The following POU2F1 variants were observed in gnomAD, a reference collection of about 807,000 sequenced individuals.
POU2F1 encodes POU class 2 homeobox 1.
POU2F1 carries 16 observed loss-of-function variants against 84.9 expected under a neutral mutation model. That is an observed-to-expected ratio of 0.19 (90% CI 0.13 to 0.29). The LOEUF (loss-of-function observed/expected upper bound fraction) is 0.29, where lower values mean the gene tolerates loss of function less well. Among genes scored for constraint, POU2F1 ranks in the 10% least tolerant of loss-of-function variants. POU2F1 has a pLI of 1.00. For missense variants in POU2F1, 738 were observed against 942.6 expected, an observed-to-expected ratio of 0.78 and a Z score of 2.84; for synonymous variants, 368 against 368.3, an observed-to-expected ratio of 1.00 and a Z score of 0.01.
intron 1 of POU2F1, among the ~76,000 whole-genome samples, chr1:167,272,417 A>C (rs1412100730): frequency 6.6e-6 from 1 of 151,486 alleles, no homozygotes; most frequent in African/African-American, 2.4e-5. Context: ...CATATTCAGA[A>C]CTGTATTAGT....
rs75813801 is a variant in POU2F1 at position 167,402,047 on chromosome 1, C to T, written c.1555+491C>T. Among the ~76,000 whole-genome samples, 24 of 152,316 alleles carry T rather than the reference C, an allele frequency of 1.6e-4. No homozygotes were observed. The East Asian group carries it at 4.4e-3, about 28-fold the overall frequency. Reference sequence around the variant, plus strand: ...CACACCTGTCTTTCCCAATAGACTGCACTTCTCAAAAGATTTGATTATTCT... The same window carrying T: ...CACACCTGTCTTTCCCAATAGACTGTACTTCTCAAAAGATTTGATTATTCT... On this transcript the variant is annotated intron_variant, in intron 13 of 15. Transcript: ENST00000367866.
chr1:167,235,713 T>C (rs534141089), intron 1 of POU2F1, among the ~76,000 whole-genome samples: 101 of 152,310 alleles, frequency 6.6e-4, no homozygotes, highest in Non-Finnish European at 1.2e-3. Flanking sequence ...CCCCCATTGC[T>C]CTCTATTCTT....
At chr1:167,328,546 T>C (rs1176531587) in intron 1 of POU2F1, among the ~76,000 whole-genome samples, 1 of 152,310 alleles carries the variant, frequency 6.6e-6, no homozygotes, top group East Asian at 1.9e-4. Flanking sequence ...CCAGCAGGAA[T>C]AAGATTAAAG....
At chr1:167,370,937 G>T (rs1009545927) in intron 4 of POU2F1, among the ~76,000 whole-genome samples, 1 of 152,124 alleles carries the variant, frequency 6.6e-6, no homozygotes, top group African/African-American at 2.4e-5. Flanking sequence ...TCAACCTGCT[G>T]GTTCCTTTCA....
chr1:167,361,561 G>T lies in POU2F1; in HGVS notation c.128-3906G>T, dbSNP rs184006218. On this transcript the variant is annotated intron_variant, in intron 2 of 15. Coordinates refer to ENST00000367866, the MANE Select transcript of POU2F1 (RefSeq NM_002697.4). ...GGAATTGACTTTTTGATGTGCTGCT[G>T]GATTTGGATTACTAATATTTTTTGA... is the stretch of plus-strand genomic sequence containing the variant. 4.6e-3 allele frequency among the ~76,000 whole-genome samples: 699 copies of T among 152,240 alleles called. 2 individuals are homozygous for T. The highest frequency in any genetic ancestry group is 7.0e-3 in the Non-Finnish European group (475 of 68,006).
intron 2 of POU2F1, among the ~76,000 whole-genome samples, chr1:167,336,896 T>C (rs1201967096): frequency 1.3e-5 from 2 of 152,086 alleles, no homozygotes; most frequent in African/African-American, 2.4e-5. Flanking sequence ...CCAGGCGCCA[T>C]GGCTCATGCT....
chr1:167,361,837 G>A (rs1218892639), intron 2 of POU2F1, among the ~76,000 whole-genome samples: 7 of 152,066 alleles, frequency 4.6e-5, no homozygotes, highest in South Asian at 4.1e-4. Context: ...TACTGATTTC[G>A]TTTAATTACT....
chr1:167,222,117 G>A (rs961494164), intron 1 of POU2F1, among the ~76,000 whole-genome samples: 11 of 152,170 alleles, frequency 7.2e-5, no homozygotes, highest in African/African-American at 2.7e-4. Context: ...GCGCCCAGAG[G>A]CCTCCCGAGA....
At chr1:167,253,917 G>A (rs1347827101) in intron 1 of POU2F1, among the ~76,000 whole-genome samples, 1 of 152,006 alleles carries the variant, frequency 6.6e-6, no homozygotes, top group Non-Finnish European at 1.5e-5. Flanking sequence ...TTCTAATACA[G>A]GTAGGATAAA....
chr1:167,292,043 G>T (rs542745797), intron 1 of POU2F1, among the ~76,000 whole-genome samples: 1 of 152,050 alleles, frequency 6.6e-6, no homozygotes, highest in Admixed American at 6.5e-5. Flanking sequence ...GTGTGTGTGT[G>T]TGTCTGTGTA....
chr1:167,343,162 G>T (rs1657969245), intron 2 of POU2F1, among the ~76,000 whole-genome samples: 1 of 152,112 alleles, frequency 6.6e-6, no homozygotes, highest in African/African-American at 2.4e-5. Context: ...CAGGGGTGGG[G>T]GTCAAGGGGG....
intron 7 of POU2F1, among the ~76,000 whole-genome samples, chr1:167,378,657 C>T (rs1026446756): frequency 3.3e-5 from 5 of 152,136 alleles, no homozygotes; most frequent in African/African-American, 1.2e-4. Context: ...CCGCCCACCT[C>T]GGCCTCCCAG....
At position 167,399,260 on chromosome 1, in the gene POU2F1, T is replaced by A; in HGVS notation, c.1344T>A (p.Val448=). ...QLNMEKEVIR[V]WFCNRRQKEK... ...ATATGGAAAAAGAGGTGATTCGTGTTTGGTTCTGTAACCGCCGCCAGAAAG... is the reference window on the plus strand; with the variant it reads ...ATATGGAAAAAGAGGTGATTCGTGTATGGTTCTGTAACCGCCGCCAGAAAG... Residue 448 remains valine (V), a synonymous_variant, in exon 12 of 16, where the codon GTT becomes GTA. Transcript: ENST00000367866. 6.2e-7 allele frequency: 1 copy of A among 1,614,034 alleles called. No individual in the cohort carries two copies. The highest frequency in any genetic ancestry group is 1.1e-5 in the South Asian group (1 of 91,078).
At chr1:167,332,320 G>A (rs1226174290) in intron 1 of POU2F1, 150 bp from the exon 2 acceptor site, 1 of 457,080 alleles carries the variant, frequency 2.2e-6, no homozygotes, top group Admixed American at 3.6e-5. Context: ...ATAATTTCTA[G>A]TATTTTAGCC....
chr1:167,279,168 G>GT (rs1203030935), intron 1 of POU2F1, among the ~76,000 whole-genome samples: 1 of 152,194 alleles, frequency 6.6e-6, no homozygotes, highest in Non-Finnish European at 1.5e-5. Context: ...AGAATCATGG[G>GT]TAGTGGTATG....
At chr1:167,312,273 C>T (rs1300669846) in intron 1 of POU2F1, among the ~76,000 whole-genome samples, 9 of 150,000 alleles carry the variant, frequency 6.0e-5, no homozygotes, top group East Asian at 2.0e-4. Context: ...CTTGCTCTGT[C>T]GCCTAGGCTG....
rs1441268560 is a variant in POU2F1 at position 167,399,349 on chromosome 1, C to A, written c.1433C>A (p.Pro478His). 1 of 1,612,496 alleles carries A rather than the reference C, an allele frequency of 6.2e-7. No homozygotes were observed. Among genetic ancestry groups the A allele is most frequent in the African/African-American group, 1.3e-5 (1 of 74,822 alleles). ...AGCTCACCTATTAAAGCAATTTTCC[C>A]CAGCCCAACTTCACTGGTAAGAATA... ...TSSSPIKAIF[P>H]SPTSLVATTP... Residue 478 changes from proline (P) to histidine (H), a missense_variant, in exon 12 of 16, where the codon CCC becomes CAC. Coordinates refer to ENST00000367866, the MANE Select transcript of POU2F1 (RefSeq NM_002697.4).
At chr1:167,351,268 C>T (rs180865292) in intron 2 of POU2F1, among the ~76,000 whole-genome samples, 1 of 152,078 alleles carries the variant, frequency 6.6e-6, no homozygotes, top group Non-Finnish European at 1.5e-5. Flanking sequence ...ACAGGAGAAT[C>T]GCTTGAACCA....
intron 1 of POU2F1, among the ~76,000 whole-genome samples, chr1:167,308,786 T>TG (rs1188190355): frequency 1.3e-5 from 2 of 152,222 alleles, no homozygotes; most frequent in African/African-American, 4.8e-5. Context: ...CCTAAAGTGC[T>TG]GGGATTACAG....
Sources: gnomAD v4.1 joint callset for allele counts (sites outside exome capture counted in the v4.1 genomes callset) on GRCh38, gnomAD v4.1.1 for gene constraint, MANE v1.5 for transcripts, NCBI Gene and HGNC (gene_info 2026-07-23, HGNC 2026-07-21) for gene names.